The following EXOC4 variants were observed in gnomAD, a reference collection of about 807,000 sequenced individuals.
EXOC4 encodes SEC8-like 1.
Under a neutral mutation model 107.2 loss-of-function variants are expected in EXOC4, and 71 were observed. The observed-to-expected ratio is 0.66, with a 90% CI of 0.55 to 0.81. EXOC4 has a LOEUF of 0.81. Among genes scored for constraint, EXOC4 ranks in the 30% least tolerant of loss-of-function variants. The pLI, the probability that EXOC4 is intolerant of heterozygous loss-of-function variation, is 0.00. For missense variants in EXOC4, 1,108 were observed against 1,189.6 expected (o/e 0.93, Z 1.01); for synonymous variants, 456 against 441.2 (o/e 1.03, Z -0.42).
chr7:133,889,694 T>G (rs1029538756), intron 11 of EXOC4, among the ~76,000 whole-genome samples: 1 of 88,942 alleles, frequency 1.1e-5, no homozygotes, highest in Non-Finnish European at 2.1e-5. Context: ...GTTCTTGCGA[T>G]AGTTTACTGA....
chr7:134,096,989 C>T, the EXOC4 span, among the ~76,000 whole-genome samples: 1 of 151,920 alleles, frequency 6.6e-6, no homozygotes, highest in South Asian at 2.1e-4. Flanking sequence ...TGACATCTGC[C>T]ACCACCACCA....
At chr7:133,709,325 A>G (rs952987452) in intron 10 of EXOC4, among the ~76,000 whole-genome samples, 4 of 152,202 alleles carry the variant, frequency 2.6e-5, no homozygotes, top group Admixed American at 2.0e-4. Flanking sequence ...AGGAAGCAAG[A>G]CAGTTCCATG....
At chr7:133,828,219 A>G (rs529926402) in intron 11 of EXOC4, among the ~76,000 whole-genome samples, 1 of 152,278 alleles carries the variant, frequency 6.6e-6, no homozygotes, top group African/African-American at 2.4e-5. Flanking sequence ...CCTGAAATAT[A>G]TTTGACTTTA....
chr7:133,409,476 A>G (rs1325390809), intron 7 of EXOC4, among the ~76,000 whole-genome samples: 1 of 152,162 alleles, frequency 6.6e-6, no homozygotes, highest in Non-Finnish European at 1.5e-5. Flanking sequence ...AAATTTCTTT[A>G]TCTTTAAAAT....
intron 9 of EXOC4, among the ~76,000 whole-genome samples, chr7:133,593,625 C>G (rs1801599461): frequency 6.6e-6 from 1 of 152,156 alleles, no homozygotes; most frequent in African/African-American, 2.4e-5. Context: ...AGAACTCTCT[C>G]CTGATTCTAG....
chr7:133,787,860 G>A (rs1796607871), intron 10 of EXOC4, among the ~76,000 whole-genome samples: 1 of 149,828 alleles, frequency 6.7e-6, no homozygotes, highest in Non-Finnish European at 1.5e-5. Flanking sequence ...TGAGGATGGG[G>A]AGACCCAGTT....
rs1795153551 is a variant in EXOC4 at position 134,027,043 on chromosome 7, G to GC, written c.2687+19208_2687+19209insC. ...ACAAATGGGTGTTTTAGTGATTAAG[G>GC]GGGGGGATTCACACAAAAATAAAAC... On this transcript the variant is annotated intron_variant, in intron 17 of 17. Transcript: ENST00000253861. Among the ~76,000 whole-genome samples, 4 of 151,964 alleles carry GC rather than the reference G, an allele frequency of 2.6e-5. No homozygotes were observed. In the East Asian group the frequency reaches 7.7e-4, roughly 29 times the overall value.
intron 10 of EXOC4, among the ~76,000 whole-genome samples, chr7:133,673,615 C>T (rs1413149068): frequency 6.6e-6 from 1 of 152,202 alleles, no homozygotes; most frequent in Non-Finnish European, 1.5e-5. Context: ...TTGCACCTGG[C>T]TCTGCCTTAC....
At chr7:133,839,299 C>T (rs939314126) in intron 11 of EXOC4, among the ~76,000 whole-genome samples, 4 of 152,148 alleles carry the variant, frequency 2.6e-5, no homozygotes, top group Non-Finnish European at 5.9e-5. Flanking sequence ...CATCCCTTGC[C>T]ATATCATTTG....
downstream of EXOC4, among the ~76,000 whole-genome samples, chr7:134,070,220 A>G (rs1341051906): frequency 6.6e-6 from 1 of 152,242 alleles, no homozygotes; most frequent in African/African-American, 2.4e-5. Context: ...TGTCCTAATT[A>G]GGCACAGTTG....
At chr7:133,968,909 C>G (rs1306197905) in intron 14 of EXOC4, among the ~76,000 whole-genome samples, 1 of 152,182 alleles carries the variant, frequency 6.6e-6, no homozygotes, top group Non-Finnish European at 1.5e-5. Flanking sequence ...TGGGGAAGTT[C>G]TCCTGAATAA....
intron 10 of EXOC4, among the ~76,000 whole-genome samples, chr7:133,780,624 T>G (rs1796445064): frequency 6.6e-6 from 1 of 152,210 alleles, no homozygotes; most frequent in Non-Finnish European, 1.5e-5. Flanking sequence ...TTTTTCATTC[T>G]AGAGCATTAC....
At chr7:133,274,369 G>A (rs187575002) in intron 1 of EXOC4, among the ~76,000 whole-genome samples, 195 of 152,302 alleles carry the variant, frequency 1.3e-3, no homozygotes, top group Non-Finnish European at 2.5e-3. Context: ...AAGACCAACT[G>A]AAAGTGACTT....
chr7:133,538,862 AGAG>A (rs1800325902), intron 9 of EXOC4, among the ~76,000 whole-genome samples: 1 of 110,856 alleles, frequency 9.0e-6, no homozygotes. Context: ...AAAGAAAGAG[AGAG>A]AGAGAGAGAG....
intron 5 of EXOC4, among the ~76,000 whole-genome samples, chr7:133,342,761 G>A (rs537348328): frequency 5.3e-5 from 8 of 151,888 alleles, no homozygotes; most frequent in Non-Finnish European, 8.8e-5. Flanking sequence ...TAATTTGAAA[G>A]CCTTGTCTTT....
intron 10 of EXOC4, among the ~76,000 whole-genome samples, chr7:133,657,463 G>C (rs1803326618): frequency 6.6e-6 from 1 of 152,072 alleles, no homozygotes; most frequent in Non-Finnish European, 1.5e-5. Flanking sequence ...TATACTTTTA[G>C]TATAAACTGT....
At chr7:133,615,928 A>T (rs1802183365) in intron 9 of EXOC4, among the ~76,000 whole-genome samples, 1 of 152,204 alleles carries the variant, frequency 6.6e-6, no homozygotes, top group South Asian at 2.1e-4. Flanking sequence ...ATTTTATGTG[A>T]TGTGTTTAGA....
intron 17 of EXOC4, among the ~76,000 whole-genome samples, chr7:134,060,128 T>A (rs1796022245): frequency 6.6e-6 from 1 of 152,178 alleles, no homozygotes; most frequent in Non-Finnish European, 1.5e-5. Flanking sequence ...CATTGTTATG[T>A]TCTAGACTCT....
intron 11 of EXOC4, among the ~76,000 whole-genome samples, chr7:133,847,911 G>GTCT (rs1234073882): frequency 1.3e-5 from 1 of 74,184 alleles, no homozygotes; most frequent in Non-Finnish European, 2.4e-5. Flanking sequence ...TGTATTTTTA[G>GTCT]TAGAGACACA....
Sources: allele counts gnomAD v4.1 joint callset (sites outside exome capture counted in the v4.1 genomes callset), GRCh38; gene constraint gnomAD v4.1.1; transcripts MANE v1.5; gene names NCBI Gene and HGNC (gene_info 2026-07-23, HGNC 2026-07-21).